BCAR3: variants seen among roughly 807,000 people sequenced by gnomAD.
The protein encoded by BCAR3 is BCAR3 adaptor protein, NSP family member.
A neutral mutation model predicts 80.1 loss-of-function variants in BCAR3; 37 were observed. The observed-to-expected ratio is 0.46, with a 90% confidence interval of 0.36 to 0.61. The LOEUF is 0.61. BCAR3 is among the 20% of genes least tolerant of loss of function. The pLI is 0.00. For missense variants in BCAR3, 978 were observed against 1,068.2 expected, an observed-to-expected ratio of 0.92 and a Z score of 1.18; for synonymous variants, 389 against 418.9, an observed-to-expected ratio of 0.93 and a Z score of 0.87.
At chr1:93,745,664 T>G (rs1281861068) in intron 2 of BCAR3, among the ~76,000 whole-genome samples, 2 of 152,068 alleles carry the variant, frequency 1.3e-5, no homozygotes, top group Admixed American at 6.5e-5. Context: ...CATAACCAGG[T>G]GTGGGGTGGG....
intron 2 of BCAR3, among the ~76,000 whole-genome samples, chr1:93,806,008 C>T (rs1420670269): frequency 6.6e-6 from 1 of 151,474 alleles, no homozygotes; most frequent in East Asian, 1.9e-4. Context: ...GAAGAAATCT[C>T]CCAAGTATAG....
At chr1:93,837,026 TA>T (rs1480066276) in intron 2 of BCAR3, among the ~76,000 whole-genome samples, 1 of 152,160 alleles carries the variant, frequency 6.6e-6, no homozygotes, top group Non-Finnish European at 1.5e-5. Flanking sequence ...CCCATGTGAT[TA>T]AAAAGCTTTA....
chr1:93,621,574 A>C (rs1427860018), intron 3 of BCAR3, among the ~76,000 whole-genome samples: 1 of 152,160 alleles, frequency 6.6e-6, no homozygotes, highest in Non-Finnish European at 1.5e-5. Flanking sequence ...TGTAGCAGGG[A>C]TGTGGCTGGT....
intron 2 of BCAR3, among the ~76,000 whole-genome samples, chr1:93,727,491 ATT>A (rs1650635100): frequency 2.6e-5 from 4 of 152,200 alleles, no homozygotes; most frequent in African/African-American, 9.6e-5. Context: ...ACTGGACTTT[ATT>A]CAAGAATTTG....
intron 2 of BCAR3, among the ~76,000 whole-genome samples, chr1:93,645,025 T>G (rs1676111424): frequency 6.6e-6 from 1 of 152,230 alleles, no homozygotes; most frequent in South Asian, 2.1e-4. Context: ...AACTGTTGTT[T>G]TCATAGGTAA....
intron 2 of BCAR3, among the ~76,000 whole-genome samples, chr1:93,774,688 T>C (rs1457438156): frequency 2.6e-5 from 4 of 152,304 alleles, no homozygotes; most frequent in African/African-American, 9.6e-5. Flanking sequence ...GGAGATCGTA[T>C]GGCAAGAGCT....
At position 93,561,933 on chromosome 1, in the gene BCAR3, A is replaced by G. The variant is rs574063236; in HGVS notation, c.*308T>C. The G allele has an allele frequency of 4.6e-6, 1 of 217,882 alleles. No homozygotes were observed. Among genetic ancestry groups the G allele is most frequent in the Admixed American group, 5.6e-5 (1 of 17,902 alleles). The allele number at this position is 217,882 out of a possible 1,614,324, so 13.5% of individuals were successfully genotyped here. Reference sequence around the variant, plus strand: ...ACTTATCTGACATGGAATTAAAACTAAAATGGTCAAATACCATGATAATAG... The same window carrying G: ...ACTTATCTGACATGGAATTAAAACTGAAATGGTCAAATACCATGATAATAG... On this transcript the variant is annotated 3_prime_UTR_variant, in exon 12 of 12. Coordinates refer to ENST00000260502, the MANE Select transcript of BCAR3 (RefSeq NM_003567.4).
intron 2 of BCAR3, among the ~76,000 whole-genome samples, chr1:93,807,610 T>A (rs1011584693): frequency 1.3e-5 from 2 of 152,134 alleles, no homozygotes; most frequent in Non-Finnish European, 2.9e-5. Context: ...AAGAATAGAT[T>A]AATAGTCTGT....
intron 3 of BCAR3, among the ~76,000 whole-genome samples, chr1:93,640,776 A>G (rs767592397): frequency 1.3e-5 from 2 of 152,230 alleles, no homozygotes; most frequent in Non-Finnish European, 2.9e-5. Flanking sequence ...AATTATCTTA[A>G]AAGGGTTTAG....
At chr1:93,587,693 C>CT (rs923300738) in intron 5 of BCAR3, among the ~76,000 whole-genome samples, 3 of 147,892 alleles carry the variant, frequency 2.0e-5, no homozygotes, top group African/African-American at 7.9e-5. Context: ...CCTCATGGAC[C>CT]CCCCCGCCAA....
chr1:93,806,161 A>G (rs994207135), intron 2 of BCAR3, among the ~76,000 whole-genome samples: 1 of 152,230 alleles, frequency 6.6e-6, no homozygotes, highest in Non-Finnish European at 1.5e-5. Context: ...GTTGAAGAGG[A>G]AAACTTTGCC....
chr1:93,572,434 G>C (rs1386213241), intron 8 of BCAR3, among the ~76,000 whole-genome samples: 3 of 152,198 alleles, frequency 2.0e-5, no homozygotes, highest in African/African-American at 4.8e-5. Flanking sequence ...AATAGTTGAT[G>C]GGCTGGAATG....
intron 2 of BCAR3, among the ~76,000 whole-genome samples, chr1:93,665,006 A>T (rs1647834819): frequency 6.6e-6 from 1 of 151,984 alleles, no homozygotes; most frequent in African/African-American, 2.4e-5. Context: ...GAGGCAGAAT[A>T]AAAATGCTAT....
intron 1 of BCAR3, 54 bp from the exon 2 acceptor site, chr1:93,674,995 G>T: frequency 7.3e-7 from 1 of 1,378,388 alleles, no homozygotes; most frequent in South Asian, 1.5e-5. Flanking sequence ...CACAAGAACT[G>T]ACTTCCTACT....
At chr1:93,678,658 C>T (rs748299344) in intron 1 of BCAR3, among the ~76,000 whole-genome samples, 6 of 152,154 alleles carry the variant, frequency 3.9e-5, no homozygotes, top group East Asian at 1.9e-4. Flanking sequence ...GTTGTAAGCA[C>T]GCTAAGGAAT....
chr1:93,734,777 C>T (rs902726163), intron 2 of BCAR3, among the ~76,000 whole-genome samples: 7 of 152,190 alleles, frequency 4.6e-5, no homozygotes, highest in Admixed American at 3.3e-4. Context: ...AGCGGGCACA[C>T]AGAGGATGCC....
chr1:93,835,916 T>C (rs769242673), intron 2 of BCAR3, among the ~76,000 whole-genome samples: 3 of 152,218 alleles, frequency 2.0e-5, no homozygotes, highest in Non-Finnish European at 4.4e-5. Context: ...TTCCTCAGTT[T>C]CACCTTCCCA....
intron 3 of BCAR3, among the ~76,000 whole-genome samples, chr1:93,638,239 ACT>A (rs1186761720): frequency 6.6e-6 from 1 of 152,024 alleles, no homozygotes; most frequent in Non-Finnish European, 1.5e-5. Context: ...ACAGAGCAAG[ACT>A]CTGTCTCAAA....
chr1:93,689,086 A>G (rs1649076391), intron 3 of BCAR3, among the ~76,000 whole-genome samples: 1 of 152,240 alleles, frequency 6.6e-6, no homozygotes, highest in Non-Finnish European at 1.5e-5. Context: ...TGATCACATT[A>G]CCAGGACTTT....
Sources: allele counts gnomAD v4.1 joint callset (sites outside exome capture counted in the v4.1 genomes callset), GRCh38; gene constraint gnomAD v4.1.1; transcripts MANE v1.5; gene names NCBI Gene and HGNC (gene_info 2026-07-23, HGNC 2026-07-21).